The following AHRR variants were observed in gnomAD, a reference collection of about 807,000 sequenced individuals.
AHRR encodes the protein aryl hydrocarbon receptor repressor.
In AHRR, 28 loss-of-function variants were observed where a neutral mutation model predicts 44.0. That is an observed-to-expected ratio of 0.64 (90% confidence interval 0.47 to 0.87). AHRR has a LOEUF of 0.87. Ranked by LOEUF, AHRR falls within the 40% of genes least tolerant of loss-of-function variation. The pLI is 0.00. For missense variants in AHRR, 990 were observed against 953.9 expected, an observed-to-expected ratio of 1.04 and a Z score of -0.50; for synonymous variants, 434 against 407.0, an observed-to-expected ratio of 1.07 and a Z score of -0.80.
intron 7 of AHRR, among the ~76,000 whole-genome samples, chr5:427,230 C>A (rs890039353): frequency 6.6e-6 from 1 of 152,196 alleles, no homozygotes; most frequent in Non-Finnish European, 1.5e-5. Context: ...TATACATCAG[C>A]CTTCCCTTTG....
Position 389,627 on chromosome 5 carries a change from C to T in AHRR, c.351+12911C>T, listed in dbSNP as rs369722304. Among the ~76,000 whole-genome samples the T allele has an allele frequency of 5.3e-5, 8 of 152,006 alleles. No homozygotes were observed. In the East Asian group the frequency reaches 7.8e-4, roughly 15 times the overall value. ...AGCTGGGAGCCCTGGACACCGAGCCCGGGCCCTTCCCCCAGACCAGCGTCA... is the reference window on the plus strand; with the variant it reads ...AGCTGGGAGCCCTGGACACCGAGCCTGGGCCCTTCCCCCAGACCAGCGTCA... On this transcript the variant is annotated intron_variant, in intron 4 of 10. Coordinates refer to ENST00000684583, the MANE Select transcript of AHRR (RefSeq NM_001377236.1).
At chr5:373,745 G>GC (rs368416763) in intron 3 of AHRR, among the ~76,000 whole-genome samples, 1 of 151,676 alleles carries the variant, frequency 6.6e-6, no homozygotes, top group East Asian at 1.9e-4. Flanking sequence ...GGGTCCGCCC[G>GC]CCCCGTGTGC....
chr5:420,064 G>A (rs1302310655), intron 5 of AHRR, among the ~76,000 whole-genome samples: 3 of 152,224 alleles, frequency 2.0e-5, no homozygotes, highest in Non-Finnish European at 4.4e-5. Flanking sequence ...GTGACGCCAC[G>A]GTAGTTATTC....
chr5:416,344 C>A, intron 5 of AHRR, among the ~76,000 whole-genome samples: 1 of 152,250 alleles, frequency 6.6e-6, no homozygotes, highest in Non-Finnish European at 1.5e-5. Context: ...TGTTTGCCTG[C>A]CAGGCTGTGG....
chr5:378,821 G>A (rs921809308), intron 4 of AHRR, among the ~76,000 whole-genome samples: 15 of 152,234 alleles, frequency 9.9e-5, no homozygotes, highest in African/African-American at 2.7e-4. Context: ...CTGGAGCCAC[G>A]GATGTGGCCT....
At chr5:375,867 A>G (rs1461894333) in intron 3 of AHRR, among the ~76,000 whole-genome samples, 1 of 152,190 alleles carries the variant, frequency 6.6e-6, no homozygotes, top group African/African-American at 2.4e-5. Context: ...GTCAGTCTGG[A>G]AGGTGAACGT....
chr5:427,563 T>C, intron 7 of AHRR: 1 of 1,574,572 alleles, frequency 6.4e-7, no homozygotes, highest in Non-Finnish European at 8.7e-7. Context: ...TCAAAGGCCG[T>C]CGCCGCGGCT....
chr5:376,796 T>C (rs1733721873), intron 4 of AHRR, 80 bp downstream of exon 4: 1 of 1,267,518 alleles, frequency 7.9e-7, no homozygotes, highest in Middle Eastern at 2.0e-4. Flanking sequence ...TCATACTCCG[T>C]GTCACGCATG....
intron 4 of AHRR, among the ~76,000 whole-genome samples, chr5:397,274 T>TCCATGTTAGCCCCTGA: frequency 2.3e-5 from 2 of 88,084 alleles, no homozygotes; most frequent in Non-Finnish European, 4.2e-5. Flanking sequence ...CTCCTGACCG[T>TCCATGTTAGCCCCTGA]CCATGTTAGC....
chr5:328,027 A>G (rs1741773427), intron 1 of AHRR, among the ~76,000 whole-genome samples: 2 of 152,026 alleles, frequency 1.3e-5, no homozygotes, highest in Admixed American at 6.6e-5. Flanking sequence ...GAGTGAGAAC[A>G]TGCGGTGTTT....
intron 7 of AHRR, among the ~76,000 whole-genome samples, chr5:425,909 G>C (rs530512017): frequency 6.6e-6 from 1 of 152,342 alleles, no homozygotes; most frequent in South Asian, 2.1e-4. Flanking sequence ...TTCACCCTGA[G>C]TGGTGCAGTC....
At chr5:332,784 T>C (rs1354746106) in intron 1 of AHRR, among the ~76,000 whole-genome samples, 1 of 152,228 alleles carries the variant, frequency 6.6e-6, no homozygotes, top group Non-Finnish European at 1.5e-5. Context: ...CCACTATTAC[T>C]GTATTGCTCT....
In AHRR at chr5:434,029, C is replaced by G; in HGVS notation, c.1289C>G (p.Pro430Arg). 1 of 1,603,794 alleles carries G rather than the reference C, an allele frequency of 6.2e-7. No individual in the cohort carries two copies. The highest frequency in any genetic ancestry group is 8.5e-7 in the Non-Finnish European group (1 of 1,175,794). ...KNDPPSLRPM[P>R]RGSCLPCPCV... The stretch of plus-strand genomic sequence containing the variant: ...GACCCGCCCTCCCTGCGCCCCATGC[C>G]CCGCGGCTCCTGCCTGCCCTGCCCG... Residue 430 changes from proline to arginine, a missense_variant, in exon 11 of 11, where the codon CCC becomes CGC. By Grantham distance (103) the Pro-to-Arg change is moderately radical (BLOSUM62 -2). Transcript: ENST00000684583.
chr5:367,929 T>A, intron 3 of AHRR: 1 of 702,576 alleles, frequency 1.4e-6, no homozygotes, highest in South Asian at 1.5e-5. Context: ...CTCAGTTCGG[T>A]CTGCATCTGT....
intron 6 of AHRR, among the ~76,000 whole-genome samples, 197 bp from the exon 7 acceptor site, chr5:423,644 A>G (rs1456675566): frequency 1.3e-5 from 2 of 152,222 alleles, no homozygotes; most frequent in Non-Finnish European, 2.9e-5. Context: ...ACATGTACTA[A>G]AAACGATGTT....
chr5:424,406 G>A (rs981849781), intron 7 of AHRR, among the ~76,000 whole-genome samples: 78 of 125,902 alleles, frequency 6.2e-4, no homozygotes, highest in Non-Finnish European at 1.0e-3. Context: ...GGCGAGGGCC[G>A]GTGCTGAGCT....
intron 3 of AHRR, among the ~76,000 whole-genome samples, chr5:359,455 G>T (rs574258791): frequency 2.0e-5 from 3 of 152,338 alleles, no homozygotes; most frequent in South Asian, 2.1e-4. Context: ...ACCTCTATGC[G>T]TAGGGCCGGA....
chr5:436,013 T>C lies in AHRR; in HGVS notation c.*1179T>C, dbSNP rs2126557176. 1 of 152,660 alleles carries C rather than the reference T, an allele frequency of 6.6e-6. No homozygotes were observed. Among genetic ancestry groups the C allele is most frequent in the East Asian group, 1.9e-4 (1 of 5,264 alleles). The allele number at this position is 152,660 out of a possible 1,614,324, so 9.5% of individuals were successfully genotyped here. ...GGCTGGTGCAGGCATCAGATCAGGG[T>C]GTAGAAGTCACCCCAAGCAAGAGGA... On this transcript the variant is annotated 3_prime_UTR_variant, in exon 11 of 11. Coordinates refer to ENST00000684583, the MANE Select transcript of AHRR (RefSeq NM_001377236.1).
rs995046891 is a variant in AHRR, at chr5:435,648, A to G, written c.*814A>G. On this transcript the variant is annotated 3_prime_UTR_variant, in exon 11 of 11. Transcript: ENST00000684583. Reference sequence around the variant, plus strand: ...TAATCTGCCTCTTGGTACATCACGTAATACAGAGTTCACAGACTCCGGGTT... The same window carrying G: ...TAATCTGCCTCTTGGTACATCACGTGATACAGAGTTCACAGACTCCGGGTT... The G allele has an allele frequency of 6.6e-6, 1 of 152,306 alleles. No individual in the cohort carries two copies. Among genetic ancestry groups the G allele is most frequent in the African/African-American group, 2.4e-5 (1 of 41,428 alleles). 9.4% of individuals were successfully genotyped at this position (152,306 alleles called of 1,614,324 possible). A position where few individuals can be genotyped will look rare whatever the true frequency, so the allele number is the denominator to read the frequency against.
Sources: allele counts gnomAD v4.1 joint callset (sites outside exome capture counted in the v4.1 genomes callset), GRCh38; gene constraint gnomAD v4.1.1; transcripts MANE v1.5; gene names NCBI Gene and HGNC (gene_info 2026-07-23, HGNC 2026-07-21).